The following POFUT3 variants were observed in gnomAD, a reference collection of about 807,000 sequenced individuals.
The protein encoded by POFUT3 is GDP-fucose protein O-fucosyltransferase 3.
chr8:33,429,240 A>G, the POFUT3 span, among the ~76,000 whole-genome samples: 6 of 152,072 alleles, frequency 3.9e-5, no homozygotes, highest in African/African-American at 1.2e-4. Context: ...TTACTGCAGT[A>G]CTCTCGGACC....
At chr8:33,391,522 T>C in the POFUT3 span, among the ~76,000 whole-genome samples, 7 of 152,146 alleles carry the variant, frequency 4.6e-5, no homozygotes, top group African/African-American at 1.7e-4. Flanking sequence ...TAGAGAAACA[T>C]GAGGATATGA....
chr8:33,379,422 G>T, the POFUT3 span, among the ~76,000 whole-genome samples: 1 of 150,726 alleles, frequency 6.6e-6, no homozygotes, highest in Non-Finnish European at 1.5e-5. Context: ...CACATAAAAA[G>T]AGAAAAAACA....
At chr8:33,420,845 G>A in the POFUT3 span, among the ~76,000 whole-genome samples, 12 of 151,510 alleles carry the variant, frequency 7.9e-5, no homozygotes, top group Admixed American at 7.9e-4. Flanking sequence ...TGAGATGATA[G>A]ATTTGCTAAC....
At chr8:33,314,940 C>T in the POFUT3 span, among the ~76,000 whole-genome samples, 7 of 152,128 alleles carry the variant, frequency 4.6e-5, no homozygotes, top group Non-Finnish European at 7.4e-5. Flanking sequence ...GCTTTGGATG[C>T]ACAAATTGTA....
the POFUT3 span, among the ~76,000 whole-genome samples, chr8:33,380,161 T>C: frequency 6.3e-4 from 36 of 57,010 alleles, no homozygotes; most frequent in East Asian, 9.9e-3. Flanking sequence ...TATATATATA[T>C]ACTATATATA....
chr8:33,356,171 A>C, the POFUT3 span, among the ~76,000 whole-genome samples: 11 of 152,144 alleles, frequency 7.2e-5, no homozygotes, highest in African/African-American at 2.4e-4. Flanking sequence ...ATCTATAGTC[A>C]TTTGGGTATA....
chr8:33,394,196 A>C, the POFUT3 span: 2 of 221,232 alleles, frequency 9.0e-6, no homozygotes, highest in Non-Finnish European at 1.8e-5. Flanking sequence ...AAAAAATATA[A>C]ATAAAATAAA....
the POFUT3 span, among the ~76,000 whole-genome samples, chr8:33,313,363 A>T: frequency 6.6e-6 from 1 of 152,128 alleles, no homozygotes; most frequent in Admixed American, 6.6e-5. Context: ...CATTCCTCAG[A>T]ATGCTAAATC....
chr8:33,368,842 G>A, the POFUT3 span, among the ~76,000 whole-genome samples: 1 of 152,160 alleles, frequency 6.6e-6, no homozygotes, highest in Non-Finnish European at 1.5e-5. Flanking sequence ...AGAGCTTTGT[G>A]CAAGACTCCA....
the POFUT3 span, among the ~76,000 whole-genome samples, chr8:33,357,812 G>T: frequency 1.3e-5 from 2 of 152,040 alleles, no homozygotes; most frequent in Admixed American, 6.6e-5. Flanking sequence ...TACGCAGCTG[G>T]TCTCCTCTCC....
the POFUT3 span, among the ~76,000 whole-genome samples, chr8:33,382,104 G>T: frequency 1.3e-5 from 2 of 152,112 alleles, no homozygotes; most frequent in African/African-American, 4.8e-5. Context: ...ACCAGCCTGG[G>T]AAACATGGCA....
the POFUT3 span, among the ~76,000 whole-genome samples, chr8:33,318,860 T>A: frequency 1.7e-5 from 1 of 57,352 alleles, no homozygotes; most frequent in South Asian, 1.0e-3. Context: ...TAAATATATT[T>A]TATATATATT....
At chr8:33,460,689 G>A in the POFUT3 span, 1 of 979,714 alleles carries the variant, frequency 1.0e-6, no homozygotes, top group Non-Finnish European at 1.2e-6. Flanking sequence ...ACAACCAGGA[G>A]CTTACGAGAA....
chr8:33,419,054 T>C, the POFUT3 span, among the ~76,000 whole-genome samples: 11 of 152,056 alleles, frequency 7.2e-5, no homozygotes, highest in Non-Finnish European at 1.5e-4. Context: ...AGTAGAATGG[T>C]AGCTACCAGA....
At chr8:33,311,009 C>A in the POFUT3 span, among the ~76,000 whole-genome samples, 1 of 152,178 alleles carries the variant, frequency 6.6e-6, no homozygotes, top group Admixed American at 6.5e-5. Context: ...ACAAAGCATT[C>A]GCTTTATCTT....
chr8:33,451,464 GTA>G, the POFUT3 span, among the ~76,000 whole-genome samples: 55 of 151,842 alleles, frequency 3.6e-4, no homozygotes, highest in Admixed American at 2.2e-3. Context: ...ATATGTGTAT[GTA>G]TATGTGTGTG....
the POFUT3 span, among the ~76,000 whole-genome samples, chr8:33,340,727 C>A: frequency 6.6e-6 from 1 of 151,920 alleles, no homozygotes; most frequent in Non-Finnish European, 1.5e-5. Context: ...AAAAGTAGTC[C>A]ACCAAAAAGA....
At chr8:33,373,833 A>G in the POFUT3 span, among the ~76,000 whole-genome samples, 1 of 152,204 alleles carries the variant, frequency 6.6e-6, no homozygotes, top group African/African-American at 2.4e-5. Flanking sequence ...GGAGAATGGA[A>G]GAGGGCAGAA....
the POFUT3 span, among the ~76,000 whole-genome samples, chr8:33,434,921 T>G: frequency 6.6e-6 from 1 of 152,212 alleles, no homozygotes; most frequent in Non-Finnish European, 1.5e-5. Flanking sequence ...GTGCACTGGC[T>G]CACTGGCTAG....
Sources: gnomAD v4.1 joint callset for allele counts (sites outside exome capture counted in the v4.1 genomes callset) on GRCh38, gnomAD v4.1.1 for gene constraint, MANE v1.5 for transcripts, NCBI Gene and HGNC (gene_info 2026-07-23, HGNC 2026-07-21) for gene names.